Variants in FANCD2 observed in about 807,000 individuals in gnomAD.
The protein encoded by FANCD2 is FA complementation group D2, also known as Fanconi anemia group D2 protein.
Under a neutral mutation model 192.3 loss-of-function variants are expected in FANCD2, and 131 were observed. The ratio of observed to expected loss-of-function variants is 0.68; its 90% CI spans 0.59 to 0.79. FANCD2 has a LOEUF of 0.79. Among genes scored for constraint, FANCD2 ranks in the 30% least tolerant of loss-of-function variants. The pLI, the probability that FANCD2 is intolerant of heterozygous loss-of-function variation, is 0.00. For synonymous variants in FANCD2, 524 were observed against 612.5 expected (o/e 0.86, Z 2.13); for missense variants, 1,508 against 1,701.6 (o/e 0.89, Z 2.00).
At chr3:10,042,200 G>A (rs1376169680) in intron 10 of FANCD2, among the ~76,000 whole-genome samples, 1 of 152,074 alleles carries the variant, frequency 6.6e-6, no homozygotes, top group African/African-American at 2.4e-5. Context: ...CTGGCCCACA[G>A]GTCTGTTTTT....
At chr3:10,081,731 C>A (rs1449644976) in intron 32 of FANCD2, among the ~76,000 whole-genome samples, 1 of 152,082 alleles carries the variant, frequency 6.6e-6, no homozygotes, top group Non-Finnish European at 1.5e-5. Context: ...GTTCCTTAGT[C>A]CAGTTTCCTT....
chr3:10,051,865 A>C (rs1463422555), intron 17 of FANCD2, among the ~76,000 whole-genome samples: 1 of 152,204 alleles, frequency 6.6e-6, no homozygotes, highest in Admixed American at 6.6e-5. Flanking sequence ...AAGGTCACAA[A>C]GTAAATAGTT....
Position 10,073,375 on chromosome 3 carries a change from TG to T in FANCD2, c.2715+16del. ...CCAGCTAAACAAGGTATTGGAATGA[TG>T]GGTATCCGTGAAGGTTTGTGACATC... On this transcript the variant is annotated intron_variant, in intron 28 of 43. Coordinates refer to ENST00000675286, the MANE Select transcript of FANCD2 (RefSeq NM_001018115.3). The T allele has an allele frequency of 6.5e-7, 1 of 1,540,072 alleles. No homozygotes were observed. The highest frequency in any genetic ancestry group is 9.0e-7 in the Non-Finnish European group (1 of 1,112,598).
At chr3:10,040,130 G>T (rs1278403812) in intron 9 of FANCD2, 4 of 421,100 alleles carry the variant, frequency 9.5e-6, no homozygotes, top group Non-Finnish European at 1.7e-5. Context: ...CGCCTCCTGG[G>T]TTCACCCCAT....
chr3:10,026,579 C>A, intron 1 of FANCD2, 106 bp downstream of exon 1: 1 of 225,512 alleles, frequency 4.4e-6, no homozygotes, highest in Non-Finnish European at 7.4e-6. Context: ...GCTCCGCGCC[C>A]CGAACCTTGG....
chr3:10,039,652 T>C lies in FANCD2; in HGVS notation c.571-69T>C, dbSNP rs1329072379. The C allele has an allele frequency of 5.7e-6, 9 of 1,576,852 alleles. No homozygotes were observed. In the East Asian group the frequency reaches 2.0e-4, roughly 35 times the overall value. ...TTCTCAAATAATTTCAGCTCTGCATTTCACACGTAGGTAGTCTTTCTTTAT... is the reference window on the plus strand; with the variant it reads ...TTCTCAAATAATTTCAGCTCTGCATCTCACACGTAGGTAGTCTTTCTTTAT... On this transcript the variant is annotated intron_variant, in intron 8 of 43. Coordinates refer to ENST00000675286, the MANE Select transcript of FANCD2 (RefSeq NM_001018115.3).
At chr3:10,031,336 T>C (rs552126934) in intron 2 of FANCD2, among the ~76,000 whole-genome samples, 1 of 152,118 alleles carries the variant, frequency 6.6e-6, no homozygotes, top group East Asian at 1.9e-4. Context: ...ACCCCGTCTC[T>C]ACTAAAAATA....
intron 28 of FANCD2, 24 bp from the exon 29 acceptor site, chr3:10,074,506 T>C (rs749629210): frequency 6.2e-7 from 1 of 1,605,542 alleles, no homozygotes; most frequent in African/African-American, 1.3e-5. Context: ...ATATATTCTC[T>C]TTGTTGCTGT....
chr3:10,037,544 T>C (rs1319947386), intron 7 of FANCD2: 1 of 152,220 alleles, frequency 6.6e-6, no homozygotes, highest in Non-Finnish European at 1.5e-5. Context: ...TGAAATAATA[T>C]TAGTTTAGTG....
intron 23 of FANCD2, 107 bp downstream of exon 23, chr3:10,064,982 A>G (rs2087677827): frequency 4.8e-6 from 6 of 1,241,348 alleles, no homozygotes; most frequent in African/African-American, 1.5e-5. Context: ...TCTCGAGACA[A>G]ATGGTATTTG....
intron 6 of FANCD2, 31 bp downstream of exon 6, chr3:10,035,264 G>A: frequency 3.2e-6 from 5 of 1,584,044 alleles, no homozygotes; most frequent in Admixed American, 1.7e-5. Flanking sequence ...GTGAACATTT[G>A]ATGGAAGAGG....
rs558301802 is a variant in FANCD2, at chr3:10,099,505, A to G, written c.4281+690A>G. The G allele has an allele frequency of 2.8e-5, 6 of 218,168 alleles. No homozygotes were observed. The East Asian group carries it at 6.2e-4, about 22-fold the overall frequency. The allele number at this position is 218,168 out of a possible 1,614,324, so 13.5% of individuals were successfully genotyped here. A position where few individuals can be genotyped will look rare whatever the true frequency, so the allele number is the denominator to read the frequency against. On this transcript the variant is annotated intron_variant, in intron 43 of 43. Transcript: ENST00000675286. ...CTGGGTGCGGTGGCTCACACCTGTA[A>G]TCCCAGCACTTTGGGAGGCCGATGT...
chr3:10,039,154 C>T (rs964162953), intron 7 of FANCD2, 125 bp from the exon 8 acceptor site: 8 of 643,336 alleles, frequency 1.2e-5, no homozygotes, highest in African/African-American at 1.8e-5. Context: ...AGTGCAGTGC[C>T]GAATGCATAG....
chr3:10,054,115 G>A (rs985267648), intron 18 of FANCD2, among the ~76,000 whole-genome samples: 1 of 151,714 alleles, frequency 6.6e-6, no homozygotes, highest in African/African-American at 2.4e-5. Flanking sequence ...AGGAGGCGGA[G>A]GTGGGAGGAT....
Position 10,101,703 on chromosome 3 carries a change from G to T in FANCD2, c.*441G>T. 1.5e-5 allele frequency: 4 copies of T among 264,906 alleles called. No homozygotes were observed. The highest frequency in any genetic ancestry group is 1.3e-3 in the Middle Eastern group (1 of 766). 16.4% of individuals were successfully genotyped at this position (264,906 alleles called of 1,614,324 possible). A position where few individuals can be genotyped will look rare whatever the true frequency, so the allele number is the denominator to read the frequency against. ...CAGCCATATTTTGTTCTTAAAGTGG[G>T]GTCTTTATTAACTTGTGGACATCAT... On this transcript the variant is annotated 3_prime_UTR_variant, in exon 44 of 44. Coordinates refer to ENST00000675286, the MANE Select transcript of FANCD2 (RefSeq NM_001018115.3).
At chr3:10,081,030 C>T in intron 30 of FANCD2, 70 bp from the exon 31 acceptor site, 2 of 1,580,560 alleles carry the variant, frequency 1.3e-6, no homozygotes, top group Non-Finnish European at 1.7e-6. Flanking sequence ...GACTTGACTC[C>T]ATTGCGAACC....
chr3:10,067,868 G>T (rs1159245370), intron 26 of FANCD2, among the ~76,000 whole-genome samples: 2 of 152,088 alleles, frequency 1.3e-5, no homozygotes, highest in Non-Finnish European at 2.9e-5. Flanking sequence ...TGCAAGGATT[G>T]TTCAACATAT....
intron 43 of FANCD2, chr3:10,099,150 A>G: frequency 1.4e-6 from 2 of 1,456,488 alleles, no homozygotes; most frequent in Non-Finnish European, 9.0e-7. Flanking sequence ...AGTGTTGAGA[A>G]GAATGAGTTA....
At chr3:10,034,302 G>A (rs2086675536) in intron 3 of FANCD2, among the ~76,000 whole-genome samples, 167 bp from the exon 4 acceptor site, 1 of 129,586 alleles carries the variant, frequency 7.7e-6, no homozygotes, top group Admixed American at 8.3e-5. Flanking sequence ...TCCAGCCTAG[G>A]CAACAGAACA....
Sources: gnomAD v4.1 joint callset for allele counts (sites outside exome capture counted in the v4.1 genomes callset) on GRCh38, gnomAD v4.1.1 for gene constraint, MANE v1.5 for transcripts, NCBI Gene and HGNC (gene_info 2026-07-23, HGNC 2026-07-21) for gene names.